CLSTN2: variants seen among roughly 807,000 people sequenced by gnomAD.
CLSTN2 encodes the protein calsyntenin 2, also known as calsyntenin-2.
In CLSTN2, 48 loss-of-function variants were observed where a neutral mutation model predicts 101.2. The observed-to-expected ratio is 0.47, with a 90% CI of 0.38 to 0.60. The LOEUF is 0.60. CLSTN2 is among the 20% of genes least tolerant of loss of function. The pLI, the probability that CLSTN2 is intolerant of heterozygous loss-of-function variation, is 0.00. For missense variants in CLSTN2, 1,160 were observed against 1,238.2 expected, an observed-to-expected ratio of 0.94 and a Z score of 0.95; for synonymous variants, 481 against 463.6, an observed-to-expected ratio of 1.04 and a Z score of -0.48.
rs185273909 is a variant in CLSTN2 at position 140,566,672 on chromosome 3, T to C, written c.*419T>C. ...CTCCACACAGACCAGTAGGTTCTCC[T>C]ATGCTGACTCCAGGTTGCTTCATAC... On this transcript the variant is annotated 3_prime_UTR_variant, in exon 17 of 17. Coordinates refer to ENST00000458420, the MANE Select transcript of CLSTN2 (RefSeq NM_022131.3). 2.8e-5 allele frequency: 6 copies of C among 211,134 alleles called. No individual in the cohort carries two copies. Among genetic ancestry groups the C allele is most frequent in the Admixed American group, 2.5e-4 (5 of 19,796 alleles). 13.1% of individuals were successfully genotyped at this position (211,134 alleles called of 1,614,324 possible). A position where few individuals can be genotyped will look rare whatever the true frequency, so the allele number is the denominator to read the frequency against.
At chr3:140,054,131 G>C (rs1457588648) in intron 1 of CLSTN2, among the ~76,000 whole-genome samples, 5 of 152,142 alleles carry the variant, frequency 3.3e-5, no homozygotes, top group Non-Finnish European at 7.3e-5. Context: ...GCTCGTGGGA[G>C]GGGGAGGTTC....
chr3:140,107,036 A>T (rs1444628514), intron 1 of CLSTN2, among the ~76,000 whole-genome samples: 1 of 152,222 alleles, frequency 6.6e-6, no homozygotes, highest in East Asian at 1.9e-4. Context: ...TTAAAGATAA[A>T]GATTTTAAGA....
chr3:140,276,239 C>T (rs1410813527), intron 2 of CLSTN2, among the ~76,000 whole-genome samples: 2 of 152,194 alleles, frequency 1.3e-5, no homozygotes, highest in Non-Finnish European at 1.5e-5. Context: ...CTGACAACAC[C>T]TTGCCCATTC....
At chr3:140,518,612 T>A (rs188583302) in intron 8 of CLSTN2, among the ~76,000 whole-genome samples, 1 of 152,300 alleles carries the variant, frequency 6.6e-6, no homozygotes, top group Admixed American at 6.5e-5. Context: ...CAGGGGCAGA[T>A]GATTCCTTTT....
chr3:139,974,440 A>G (rs1935775030), intron 1 of CLSTN2, among the ~76,000 whole-genome samples: 1 of 152,124 alleles, frequency 6.6e-6, no homozygotes, highest in Non-Finnish European at 1.5e-5. Flanking sequence ...GGAGTGATAT[A>G]CCAGGGCTAA....
intron 2 of CLSTN2, among the ~76,000 whole-genome samples, chr3:140,176,694 G>C (rs531756251): frequency 1.3e-5 from 2 of 152,332 alleles, no homozygotes; most frequent in South Asian, 4.1e-4. Flanking sequence ...TGAGGAACTC[G>C]GCTATGCTTC....
At chr3:140,149,651 G>A (rs1171392173) in intron 1 of CLSTN2, among the ~76,000 whole-genome samples, 2 of 152,058 alleles carry the variant, frequency 1.3e-5, no homozygotes, top group Non-Finnish European at 2.9e-5. Flanking sequence ...TAGAGACAGG[G>A]TTCCACCGTG....
Position 140,146,624 on chromosome 3 carries a change from G to T in CLSTN2, c.110-29327G>T, listed in dbSNP as rs112812187. 2.5e-3 allele frequency among the ~76,000 whole-genome samples: 378 copies of T among 152,324 alleles called. 2 individuals carry two copies. The highest frequency in any genetic ancestry group is 0.01 in the Middle Eastern group (3 of 294). On this transcript the variant is annotated intron_variant, in intron 1 of 16. Coordinates refer to ENST00000458420, the MANE Select transcript of CLSTN2 (RefSeq NM_022131.3). ...ATTGCACTTAAAAAGTGATAAAAAT[G>T]ATCTAGTACATACTAGCAACACAAA... is the stretch of plus-strand genomic sequence containing the variant.
At chr3:140,037,617 T>C (rs922544819) in intron 1 of CLSTN2, among the ~76,000 whole-genome samples, 1 of 151,922 alleles carries the variant, frequency 6.6e-6, no homozygotes, top group Non-Finnish European at 1.5e-5. Context: ...ACACGTGCCA[T>C]GGTGGTTTGC....
intron 1 of CLSTN2, among the ~76,000 whole-genome samples, chr3:140,095,333 A>C (rs1576425018): frequency 6.6e-6 from 1 of 152,344 alleles, no homozygotes; most frequent in African/African-American, 2.4e-5. Flanking sequence ...CTGCCTTGTC[A>C]AGTGGGTATG....
intron 8 of CLSTN2, among the ~76,000 whole-genome samples, chr3:140,531,906 C>G (rs1158683496): frequency 6.6e-6 from 1 of 152,150 alleles, no homozygotes. Flanking sequence ...TCCTGATCAG[C>G]CTAGCAATAA....
At chr3:140,378,293 G>T (rs1052476243) in intron 2 of CLSTN2, among the ~76,000 whole-genome samples, 1 of 152,224 alleles carries the variant, frequency 6.6e-6, no homozygotes, top group Non-Finnish European at 1.5e-5. Flanking sequence ...TACTCTGGAT[G>T]ACATGTAGTA....
rs914873978 is a variant in CLSTN2 at position 140,575,325 on chromosome 3, C to T, written c.*9072C>T. 2.0e-5 allele frequency: 3 copies of T among 152,298 alleles called. No homozygotes were observed. The highest frequency in any genetic ancestry group is 4.1e-4 in the South Asian group (2 of 4,822). 9.4% of individuals were successfully genotyped at this position (152,298 alleles called of 1,614,324 possible). On this transcript the variant is annotated 3_prime_UTR_variant, in exon 17 of 17. Transcript: ENST00000458420. ...AAGTGACAGCACCAGGAACAACCCC[C>T]TCCCCCAGATGCCAAAGCATTGCTC...
intron 8 of CLSTN2, among the ~76,000 whole-genome samples, chr3:140,531,605 C>T (rs1279173959): frequency 6.6e-6 from 1 of 152,136 alleles, no homozygotes; most frequent in Non-Finnish European, 1.5e-5. Context: ...TCCAGCATGA[C>T]TCCCAAGGCA....
intron 5 of CLSTN2, among the ~76,000 whole-genome samples, chr3:140,432,474 G>C (rs2088642439): frequency 6.6e-6 from 1 of 152,180 alleles, no homozygotes; most frequent in South Asian, 2.1e-4. Flanking sequence ...CCCAGGGCAG[G>C]TGCTCCGGAG....
At chr3:140,107,716 A>T (rs934534787) in intron 1 of CLSTN2, among the ~76,000 whole-genome samples, 3 of 152,046 alleles carry the variant, frequency 2.0e-5, no homozygotes, top group African/African-American at 4.8e-5. Flanking sequence ...TCACCTCTCC[A>T]CCTTGGGGCT....
chr3:140,237,831 A>G (rs1219857162), intron 2 of CLSTN2, among the ~76,000 whole-genome samples: 3 of 152,098 alleles, frequency 2.0e-5, no homozygotes, highest in Non-Finnish European at 4.4e-5. Flanking sequence ...CTGTTTTTAT[A>G]TTTATTTTAC....
At chr3:140,429,046 CACTT>C in intron 5 of CLSTN2, among the ~76,000 whole-genome samples, 1 of 152,198 alleles carries the variant, frequency 6.6e-6, no homozygotes, top group South Asian at 2.1e-4. Context: ...GTGTGTCTAA[CACTT>C]TTGTGTTGAA....
At chr3:140,020,248 A>G (rs1321296105) in intron 1 of CLSTN2, among the ~76,000 whole-genome samples, 1 of 152,208 alleles carries the variant, frequency 6.6e-6, no homozygotes, top group East Asian at 1.9e-4. Flanking sequence ...AGAACCCAGC[A>G]TGGGTGTTCA....
Sources: allele counts gnomAD v4.1 joint callset (sites outside exome capture counted in the v4.1 genomes callset), GRCh38; gene constraint gnomAD v4.1.1; transcripts MANE v1.5; gene names NCBI Gene and HGNC (gene_info 2026-07-23, HGNC 2026-07-21).